GLIS1: variants seen among roughly 807,000 people sequenced by gnomAD.
GLIS1 encodes zinc finger protein GLIS1.
A neutral mutation model predicts 63.8 loss-of-function variants in GLIS1; 24 were observed. The observed-to-expected ratio is 0.38, with a 90% CI of 0.27 to 0.53. GLIS1 has a LOEUF of 0.53. Among genes scored for constraint, GLIS1 ranks in the 20% least tolerant of loss-of-function variants. The pLI, the probability that GLIS1 is intolerant of heterozygous loss-of-function variation, is 0.85. For synonymous variants in GLIS1, 450 were observed against 482.5 expected (o/e 0.93, Z 0.88); for missense variants, 1,036 against 1,074.1 (o/e 0.96, Z 0.50).
intron 2 of GLIS1, among the ~76,000 whole-genome samples, chr1:53,690,803 T>G (rs1646395798): frequency 6.6e-6 from 1 of 152,214 alleles, no homozygotes; most frequent in African/African-American, 2.4e-5. Context: ...ATGTGAGAAC[T>G]GTCCAAGGGT....
At chr1:53,556,538 G>GTAT (rs1644830421) in intron 4 of GLIS1, among the ~76,000 whole-genome samples, 1 of 93,904 alleles carries the variant, frequency 1.1e-5, no homozygotes, top group African/African-American at 5.0e-5. Context: ...GTGTACTGCA[G>GTAT]GTGTGTGTGT....
At chr1:53,555,122 A>G in intron 4 of GLIS1, among the ~76,000 whole-genome samples, 1 of 152,194 alleles carries the variant, frequency 6.6e-6, no homozygotes, top group Admixed American at 6.5e-5. Context: ...CTCCCCACTC[A>G]GGCGACATCG....
At chr1:53,619,415 A>G (rs1190998108) in intron 2 of GLIS1, among the ~76,000 whole-genome samples, 1 of 152,180 alleles carries the variant, frequency 6.6e-6, no homozygotes, top group African/African-American at 2.4e-5. Flanking sequence ...AGGGTTGGCC[A>G]TTCCCCACTA....
intron 4 of GLIS1, among the ~76,000 whole-genome samples, chr1:53,531,102 G>A (rs1168511270): frequency 6.6e-6 from 1 of 152,254 alleles, no homozygotes; most frequent in Non-Finnish European, 1.5e-5. Flanking sequence ...GGCCAAGTCT[G>A]ATGCCAAAGG....
intron 3 of GLIS1, among the ~76,000 whole-genome samples, chr1:53,595,437 T>G (rs1376905204): frequency 6.6e-6 from 1 of 152,142 alleles, no homozygotes; most frequent in Non-Finnish European, 1.5e-5. Context: ...GGAGGATTGC[T>G]TGAGCCCAGG....
chr1:53,688,140 A>T (rs1287385350), intron 2 of GLIS1, among the ~76,000 whole-genome samples: 2 of 151,748 alleles, frequency 1.3e-5, no homozygotes, highest in African/African-American at 4.8e-5. Context: ...GCGTGCTGAC[A>T]CCCGCTCTCG....
At chr1:53,643,947 T>C (rs1017394457) in intron 2 of GLIS1, among the ~76,000 whole-genome samples, 7 of 152,182 alleles carry the variant, frequency 4.6e-5, no homozygotes, top group African/African-American at 1.7e-4. Flanking sequence ...TGTAATCCAG[T>C]GAGCTGGGAG....
intron 4 of GLIS1, among the ~76,000 whole-genome samples, chr1:53,588,434 G>A (rs951527364): frequency 4.6e-5 from 7 of 152,190 alleles, no homozygotes; most frequent in African/African-American, 1.4e-4. Flanking sequence ...AGCCCCTTCA[G>A]GGAACTTTCC....
chr1:53,543,176 T>C (rs1041107722), intron 4 of GLIS1, among the ~76,000 whole-genome samples: 2 of 152,208 alleles, frequency 1.3e-5, no homozygotes, highest in Non-Finnish European at 2.9e-5. Context: ...TCACTCCAGT[T>C]TGTGGACTTC....
At chr1:53,534,670 A>T (rs1031150790) in intron 4 of GLIS1, among the ~76,000 whole-genome samples, 1 of 14,224 alleles carries the variant, frequency 7.0e-5, no homozygotes, top group African/African-American at 3.0e-4. Context: ...CTGACCACCC[A>T]CCCCATCCCT....
intron 2 of GLIS1, among the ~76,000 whole-genome samples, chr1:53,719,353 C>T (rs1204729682): frequency 6.6e-6 from 1 of 152,184 alleles, no homozygotes; most frequent in Non-Finnish European, 1.5e-5. Context: ...CCCTGCCCAC[C>T]TGGCATGGGG....
intron 2 of GLIS1, among the ~76,000 whole-genome samples, chr1:53,697,799 TATTTTACAG>T (rs1256950223): frequency 6.6e-6 from 1 of 152,144 alleles, no homozygotes; most frequent in Admixed American, 6.5e-5. Flanking sequence ...TTTTACTGAT[TATTTTACAG>T]ATGAGGGAAC....
At chr1:53,662,042 G>A (rs1489994238) in intron 2 of GLIS1, among the ~76,000 whole-genome samples, 1 of 152,172 alleles carries the variant, frequency 6.6e-6, no homozygotes, top group Non-Finnish European at 1.5e-5. Flanking sequence ...CCAGAGGTAT[G>A]TAATCAAGGG....
intron 2 of GLIS1, among the ~76,000 whole-genome samples, chr1:53,711,021 C>G (rs1280712847): frequency 1.3e-5 from 2 of 152,092 alleles, no homozygotes; most frequent in Non-Finnish European, 2.9e-5. Context: ...CACCCGTACC[C>G]CACACCCCAG....
At chr1:53,550,224 G>A (rs936215519) in intron 4 of GLIS1, among the ~76,000 whole-genome samples, 4 of 152,166 alleles carry the variant, frequency 2.6e-5, no homozygotes, top group African/African-American at 7.2e-5. Flanking sequence ...CTCAGGAACC[G>A]ACCCACTGCA....
chr1:53,585,974 G>A (rs1323689549), intron 4 of GLIS1, among the ~76,000 whole-genome samples: 1 of 152,224 alleles, frequency 6.6e-6, no homozygotes, highest in Non-Finnish European at 1.5e-5. Flanking sequence ...CATGGCTAGT[G>A]AGCAGCAGAG....
intron 2 of GLIS1, among the ~76,000 whole-genome samples, chr1:53,720,378 T>C (rs1264717589): frequency 3.3e-5 from 5 of 152,118 alleles, no homozygotes; most frequent in African/African-American, 1.2e-4. Flanking sequence ...CTGTGTTAAA[T>C]GAAACAAGCC....
At chr1:53,656,366 C>T (rs1200518015) in intron 2 of GLIS1, among the ~76,000 whole-genome samples, 1 of 152,216 alleles carries the variant, frequency 6.6e-6, no homozygotes, top group East Asian at 1.9e-4. Flanking sequence ...AGCTGCAGAT[C>T]AGCCGGGGAG....
At chr1:53,707,818 G>A (rs1316301385) in intron 2 of GLIS1, among the ~76,000 whole-genome samples, 2 of 151,960 alleles carry the variant, frequency 1.3e-5, no homozygotes, top group South Asian at 2.1e-4. Context: ...CTCACAAAGT[G>A]CTGGGATTAC....
Sources: allele counts gnomAD v4.1 joint callset (sites outside exome capture counted in the v4.1 genomes callset), GRCh38; gene constraint gnomAD v4.1.1; transcripts MANE v1.5; gene names NCBI Gene and HGNC (gene_info 2026-07-23, HGNC 2026-07-21).